ILRUN: variants seen among roughly 807,000 people sequenced by gnomAD.
ILRUN encodes protein ILRUN.
In ILRUN, 3 loss-of-function variants were observed where a neutral mutation model predicts 33.8. That is an observed-to-expected ratio of 0.09 (90% CI 0.04 to 0.23). ILRUN has a LOEUF of 0.23. ILRUN is among the 10% of genes least tolerant of loss of function. The pLI, the probability that ILRUN is intolerant of heterozygous loss-of-function variation, is 1.00. For missense variants in ILRUN, 210 were observed against 375.1 expected (o/e 0.56, Z 3.64); for synonymous variants, 124 against 138.9 (o/e 0.89, Z 0.75).
Position 34,592,792 on chromosome 6 carries a change from G to A in ILRUN, c.862-2192C>T, listed in dbSNP as rs1413599620. 6.6e-6 allele frequency among the ~76,000 whole-genome samples: 1 copy of A among 151,814 alleles called. No homozygotes were observed. Among genetic ancestry groups the A allele is most frequent in the East Asian group, 1.9e-4 (1 of 5,182 alleles). ...CAATCATTCATCTAGAACTACCCAAGGAAAGCAACAAAAACTTTAATTCCC... is the reference window on the plus strand; with the variant it reads ...CAATCATTCATCTAGAACTACCCAAAGAAAGCAACAAAAACTTTAATTCCC... On this transcript the variant is annotated intron_variant, in intron 4 of 4. Transcript: ENST00000374023. This position sits in a 1 kb window ranked among gnomAD's most constrained non-coding sequence, Gnocchi z 4.0.
intron 1 of ILRUN, among the ~76,000 whole-genome samples, chr6:34,683,443 T>TATATATACATATATATACATATATATAC (rs1562032912): frequency 1.4e-5 from 1 of 73,312 alleles, no homozygotes. Flanking sequence ...TATATATACA[T>TATATATACATATATATACATATATATAC]ATATATATAC....
intron 3 of ILRUN, among the ~76,000 whole-genome samples, chr6:34,614,435 A>AAAT (rs1761829375): frequency 3.2e-5 from 4 of 123,444 alleles, no homozygotes; most frequent in Non-Finnish European, 6.4e-5. Context: ...AAATAATAAA[A>AAAT]AAAAAAAAAT....
chr6:34,653,461 A>G, intron 2 of ILRUN, among the ~76,000 whole-genome samples: 1 of 152,064 alleles, frequency 6.6e-6, no homozygotes, highest in Non-Finnish European at 1.5e-5. Context: ...CCTCATCTGA[A>G]GTGATCCTCC....
In ILRUN at chr6:34,590,515, A is replaced by G. The variant is rs750663976; in HGVS notation, c.*50T>C. 3 of 1,613,030 alleles carry G rather than the reference A, an allele frequency of 1.9e-6. No homozygotes were observed. Among genetic ancestry groups the G allele is most frequent in the Non-Finnish European group, 1.7e-6 (2 of 1,179,526 alleles). On this transcript the variant is annotated 3_prime_UTR_variant, in exon 5 of 5. Coordinates refer to ENST00000374023, the MANE Select transcript of ILRUN (RefSeq NM_024294.4). ...GAGGAACCCCTTGCCCTAACCCCCC[A>G]AAGTCAGGCCTTCTGTCTTTTGTTA...
At chr6:34,607,051 C>A in intron 3 of ILRUN, 147 bp from the exon 4 acceptor site, 1 of 659,848 alleles carries the variant, frequency 1.5e-6, no homozygotes, top group Non-Finnish European at 2.6e-6. Flanking sequence ...ACAAAGCTGC[C>A]TGGTACATTT....
intron 1 of ILRUN, chr6:34,685,369 G>C (rs904763427): frequency 2.6e-5 from 4 of 151,632 alleles, no homozygotes; most frequent in African/African-American, 9.7e-5. Context: ...ACTGAGTCTT[G>C]CTATGGAGTG....
chr6:34,693,506 C>A (rs1763690596), intron 1 of ILRUN, among the ~76,000 whole-genome samples: 1 of 151,792 alleles, frequency 6.6e-6, no homozygotes, highest in African/African-American at 2.4e-5. Flanking sequence ...CACGCATGCA[C>A]CACCACACCT....
In ILRUN at chr6:34,589,910, G is replaced by A. The variant is rs915732070; in HGVS notation, c.*655C>T. The A allele has an allele frequency of 6.6e-6, 1 of 152,118 alleles. No individual in the cohort carries two copies. Among genetic ancestry groups the A allele is most frequent in the Admixed American group, 6.6e-5 (1 of 15,266 alleles). 9.4% of individuals were successfully genotyped at this position (152,118 alleles called of 1,614,324 possible). ...AGCCACAGGGTTGACGAATACAAAT[G>A]TCAAAGGTGTAAATCAACAGAAGAT... On this transcript the variant is annotated 3_prime_UTR_variant, in exon 5 of 5. Coordinates refer to ENST00000374023, the MANE Select transcript of ILRUN (RefSeq NM_024294.4).
At chr6:34,684,530 T>C (rs905280329) in intron 1 of ILRUN, among the ~76,000 whole-genome samples, 1 of 152,200 alleles carries the variant, frequency 6.6e-6, no homozygotes, top group Non-Finnish European at 1.5e-5. Context: ...AGCACCTATG[T>C]ACAAAGTAGT....
Position 34,650,857 on chromosome 6 carries a change from T to G in ILRUN, c.313+3768A>C, listed in dbSNP as rs558850996. Among the ~76,000 whole-genome samples, 7 of 152,308 alleles carry G rather than the reference T, an allele frequency of 4.6e-5. 1 individual carries two copies. In the South Asian group the frequency reaches 1.4e-3, roughly 32 times the overall value. On this transcript the variant is annotated intron_variant, in intron 2 of 4. Coordinates refer to ENST00000374023, the MANE Select transcript of ILRUN (RefSeq NM_024294.4). ...CAGTCTCATCTGTGGTATATTTGCA[T>G]GCCCAGCACGCCTAAAACATGACAA...
At chr6:34,600,521 G>A (rs950276737) in intron 4 of ILRUN, among the ~76,000 whole-genome samples, 7 of 152,160 alleles carry the variant, frequency 4.6e-5, no homozygotes, top group African/African-American at 7.2e-5. Flanking sequence ...TAAGACCCCA[G>A]AGACTGTATC....
intron 3 of ILRUN, among the ~76,000 whole-genome samples, chr6:34,632,014 T>C (rs1007754519): frequency 6.6e-6 from 1 of 152,182 alleles, no homozygotes; most frequent in South Asian, 2.1e-4. Flanking sequence ...GGGAAGAAGT[T>C]CTAAAACATT....
At chr6:34,661,894 G>T (rs1582089249) in intron 1 of ILRUN, among the ~76,000 whole-genome samples, 1 of 152,098 alleles carries the variant, frequency 6.6e-6, no homozygotes, top group Non-Finnish European at 1.5e-5. Flanking sequence ...GGGAGGCCCA[G>T]GTGGGCAGAT....
At chr6:34,627,628 T>C (rs377631968) in intron 3 of ILRUN, among the ~76,000 whole-genome samples, 1 of 152,216 alleles carries the variant, frequency 6.6e-6, no homozygotes, top group East Asian at 1.9e-4. Flanking sequence ...TAACGGTGAA[T>C]ATCTTCTCGT....
At chr6:34,675,185 G>A (rs1286480909) in intron 1 of ILRUN, among the ~76,000 whole-genome samples, 5 of 152,070 alleles carry the variant, frequency 3.3e-5, no homozygotes, top group Admixed American at 6.6e-5. Context: ...GGAAGCTAAG[G>A]CAGGAGAATC....
At position 34,587,943 on chromosome 6, in the gene ILRUN, C is replaced by A; in HGVS notation, c.*2622G>T. On this transcript the variant is annotated 3_prime_UTR_variant, in exon 5 of 5. Coordinates refer to ENST00000374023, the MANE Select transcript of ILRUN (RefSeq NM_024294.4). ...GGGTGCCAGACGCAGGTGGTCCTGC[C>A]CAGAGGTGGCCTGCCACTTGGTGAA... 2.5e-6 allele frequency: 1 copy of A among 397,422 alleles called. No homozygotes were observed. Among genetic ancestry groups the A allele is most frequent in the Non-Finnish European group, 4.4e-6 (1 of 225,876 alleles). 24.6% of individuals were successfully genotyped at this position (397,422 alleles called of 1,614,324 possible).
intron 3 of ILRUN, among the ~76,000 whole-genome samples, chr6:34,625,705 C>CT (rs1369016166): frequency 6.6e-6 from 1 of 152,186 alleles, no homozygotes; most frequent in African/African-American, 2.4e-5. Flanking sequence ...GAAGTACCTT[C>CT]TCCCAATCGC....
In ILRUN at chr6:34,613,062, T is replaced by A. The variant is rs1411532758; in HGVS notation, c.512-6158A>T. Among the ~76,000 whole-genome samples the A allele has an allele frequency of 4.9e-5, 7 of 143,066 alleles. No individual in the cohort carries two copies. The South Asian group carries it at 6.6e-4, about 13-fold the overall frequency. 93.9% of individuals were successfully genotyped at this position (143,066 alleles called of 152,430 possible). A position where few individuals can be genotyped will look rare whatever the true frequency, so the allele number is the denominator to read the frequency against. On this transcript the variant is annotated intron_variant, in intron 3 of 4. Transcript: ENST00000374023. Reference sequence around the variant, plus strand: ...CGTCTCAAGGAAAAAAAAAAAAAAATTTGTTACATGTGGTGGTGTGCACCT... The same window carrying A: ...CGTCTCAAGGAAAAAAAAAAAAAAAATTGTTACATGTGGTGGTGTGCACCT...
chr6:34,681,663 G>A (rs1441651506), intron 1 of ILRUN, among the ~76,000 whole-genome samples: 2 of 151,718 alleles, frequency 1.3e-5, no homozygotes, highest in African/African-American at 2.4e-5. Context: ...TTGCATTTTG[G>A]GTTTCTTGTT....
Sources: gnomAD v4.1 joint callset for allele counts (sites outside exome capture counted in the v4.1 genomes callset) on GRCh38, gnomAD v4.1.1 for gene constraint, Gnocchi (gnomAD v3.1) non-coding constraint, MANE v1.5 for transcripts, NCBI Gene and HGNC (gene_info 2026-07-23, HGNC 2026-07-21) for gene names.